The following TRAPPC2 variants were observed in gnomAD, a reference collection of about 807,000 sequenced individuals.
TRAPPC2 encodes the protein sedlin.
TRAPPC2 carries 4 observed loss-of-function variants against 10.0 expected under a neutral mutation model. That is an observed-to-expected ratio of 0.40 (90% confidence interval 0.20 to 0.92). TRAPPC2 has a LOEUF of 0.92. Ranked by LOEUF, TRAPPC2 falls within the 40% of genes least tolerant of loss-of-function variation. The probability of loss-of-function intolerance (pLI) is 0.35; values close to 1 mark genes in which losing one functional copy is unlikely to be tolerated. For synonymous variants in TRAPPC2, 36 were observed against 37.3 expected (o/e 0.97, Z 0.12); for missense variants, 52 against 108.7 (o/e 0.48, Z 2.32).
At position 13,713,277 on chromosome X, in the gene TRAPPC2, C is replaced by T. The variant is rs2046238625; in HGVS notation, c.*1130G>A. 9.2e-6 allele frequency: 1 copy of T among 108,966 alleles called. No homozygotes were observed. Among genetic ancestry groups the T allele is most frequent in the African/African-American group, 3.3e-5 (1 of 29,898 alleles). 9.0% of individuals were successfully genotyped at this position (108,966 alleles called of 1,213,427 possible). On this transcript the variant is annotated 3_prime_UTR_variant, in exon 6 of 6. Coordinates refer to ENST00000380579, the MANE Select transcript of TRAPPC2 (RefSeq NM_001011658.4). ...CCAGCCCGGCCAAAATAGCGAAACC[C>T]CGTCTCTACTAAAAACACAAAAATT... is the stretch of plus-strand genomic sequence containing the variant.
chrX:13,723,616 G>C (rs2046475203), intron 2 of TRAPPC2, among the ~76,000 whole-genome samples: 1 of 111,945 alleles, frequency 8.9e-6, no homozygotes, highest in Admixed American at 9.5e-5. Flanking sequence ...GTGTATGTAT[G>C]GTCTGCTCGA....
intron 4 of TRAPPC2, 197 bp downstream of exon 4, chrX:13,716,337 G>T (rs867986535): frequency 3.5e-5 from 20 of 566,988 alleles, no homozygotes; most frequent in Middle Eastern, 5.5e-4. Context: ...TTGTGTATGA[G>T]ACTTAGTTTT....
rs1057515797 is a variant in TRAPPC2, at chrX:13,734,542, C to G, written c.-179G>C. ...TTCCCTACCTGCAGTGGGAGGCCGA[C>G]AACGGAAACGCAATGTCAGTTTCCG... On this transcript the variant is annotated 5_prime_UTR_variant, in exon 1 of 6. Transcript: ENST00000380579. The G allele has an allele frequency of 5.6e-6, 2 of 358,958 alleles. No homozygotes were observed. Among genetic ancestry groups the G allele is most frequent in the Non-Finnish European group, 7.9e-6 (2 of 253,376 alleles). 29.6% of individuals were successfully genotyped at this position (358,958 alleles called of 1,213,427 possible). A position where few individuals can be genotyped will look rare whatever the true frequency, so the allele number is the denominator to read the frequency against.
intron 3 of TRAPPC2, 36 bp downstream of exon 3, chrX:13,719,835 C>A (rs754716913): frequency 1.0e-6 from 1 of 959,997 alleles, no homozygotes; most frequent in South Asian, 2.2e-5. Context: ...TCATATTATA[C>A]CATATCATTA....
At chrX:13,729,329 T>A (rs1602741503) in intron 2 of TRAPPC2, among the ~76,000 whole-genome samples, 1 of 111,136 alleles carries the variant, frequency 9.0e-6, no homozygotes, top group Middle Eastern at 4.6e-3. Context: ...GGAGGCATCA[T>A]GCTACCTGAC....
At position 13,722,874 on chromosome X, in the gene TRAPPC2, T is replaced by C. The variant is rs185862873; in HGVS notation, c.-19-2892A>G. ...GTCAGGAGATCGAGACCATCCTGGC[T>C]AACATGGTGAAACCCCATCTCTACT... On this transcript the variant is annotated intron_variant, in intron 2 of 5. Coordinates refer to ENST00000380579, the MANE Select transcript of TRAPPC2 (RefSeq NM_001011658.4). Among the ~76,000 whole-genome samples the C allele has an allele frequency of 1.2e-3, 128 of 111,053 alleles. 1 individual carries two copies. Among genetic ancestry groups the C allele is most frequent in the Non-Finnish European group, 4.7e-4 (25 of 52,862 alleles).
intron 2 of TRAPPC2, among the ~76,000 whole-genome samples, chrX:13,728,456 C>T (rs1351464506): frequency 8.9e-6 from 1 of 111,879 alleles, no homozygotes; most frequent in Non-Finnish European, 1.9e-5. Context: ...ATACGCAAAT[C>T]GATAAACATA....
At chrX:13,724,400 TAAAAAAAAAAA>T (rs772302164) in intron 2 of TRAPPC2, among the ~76,000 whole-genome samples, 1 of 82,326 alleles carries the variant, frequency 1.2e-5, no homozygotes, top group East Asian at 3.6e-4. Context: ...AATATATATT[TAAAAAAAAAAA>T]AAAAAAAAGA....
chrX:13,717,058 AAAAAAAC>A (rs2046308184), intron 3 of TRAPPC2, among the ~76,000 whole-genome samples: 1 of 105,977 alleles, frequency 9.4e-6, no homozygotes, highest in African/African-American at 3.4e-5. Flanking sequence ...AAAAAAAAAA[AAAAAAAC>A]AAGATCCTGT....
At chrX:13,715,235 G>C (rs1162415419) in intron 5 of TRAPPC2, among the ~76,000 whole-genome samples, 1 of 113,067 alleles carries the variant, frequency 8.8e-6, no homozygotes, top group Non-Finnish European at 1.9e-5. Context: ...CACTTTGGGA[G>C]GCCAAGGCGG....
intron 3 of TRAPPC2, 74 bp from the exon 4 acceptor site, chrX:13,716,752 A>T: frequency 9.2e-7 from 1 of 1,090,122 alleles, no homozygotes; most frequent in Non-Finnish European, 1.3e-6. Context: ...TCATTCTGTA[A>T]ATTCTATAGA....
At chrX:13,730,374 C>T (rs1003050079) in intron 2 of TRAPPC2, among the ~76,000 whole-genome samples, 1 of 112,210 alleles carries the variant, frequency 8.9e-6, no homozygotes, top group East Asian at 2.8e-4. Flanking sequence ...GAGATACCAT[C>T]TCACGCCAGT....
chrX:13,733,272 G>A (rs1254001102), intron 2 of TRAPPC2, among the ~76,000 whole-genome samples: 1 of 111,508 alleles, frequency 9.0e-6, no homozygotes, highest in Non-Finnish European at 1.9e-5. Flanking sequence ...ACAGGATCAT[G>A]TACTAGTATT....
At chrX:13,715,753 A>C in intron 5 of TRAPPC2, 1 of 886,568 alleles carries the variant, frequency 1.1e-6, no homozygotes, top group Non-Finnish European at 1.4e-6. Flanking sequence ...GAGGACAACA[A>C]GGTGAAGAAT....
chrX:13,724,630 G>A (rs952280503), intron 2 of TRAPPC2, among the ~76,000 whole-genome samples: 2 of 111,934 alleles, frequency 1.8e-5, no homozygotes, highest in African/African-American at 6.5e-5. Context: ...CTAGGGATCC[G>A]TTCCAAGATG....
intron 2 of TRAPPC2, among the ~76,000 whole-genome samples, chrX:13,724,288 G>T (rs901853906): frequency 8.2e-5 from 9 of 109,115 alleles, no homozygotes; most frequent in Non-Finnish European, 1.3e-4. Context: ...CATGGAAGAT[G>T]TAAGAAGTAG....
chrX:13,733,519 T>C (rs1047189215), intron 2 of TRAPPC2, among the ~76,000 whole-genome samples: 1 of 111,970 alleles, frequency 8.9e-6, no homozygotes, highest in African/African-American at 3.3e-5. Context: ...CAACAAAAAC[T>C]TACAGGTTCT....
At chrX:13,718,766 A>C (rs927078489) in intron 3 of TRAPPC2, among the ~76,000 whole-genome samples, 10 of 112,277 alleles carry the variant, frequency 8.9e-5, no homozygotes, top group Non-Finnish European at 1.9e-4. Context: ...AGGACATTAA[A>C]GCCAATTTTT....
intron 2 of TRAPPC2, among the ~76,000 whole-genome samples, chrX:13,729,633 G>A (rs1367910129): frequency 1.8e-5 from 2 of 111,836 alleles, no homozygotes; most frequent in African/African-American, 3.3e-5. Context: ...TTAGGGCTGG[G>A]CACGGTGGCT....
Sources: gnomAD v4.1 joint callset for allele counts (sites outside exome capture counted in the v4.1 genomes callset) on GRCh38, gnomAD v4.1.1 for gene constraint, MANE v1.5 for transcripts, NCBI Gene and HGNC (gene_info 2026-07-23, HGNC 2026-07-21) for gene names.